The following ZFPM2 variants were observed in gnomAD, a reference collection of about 807,000 sequenced individuals.
ZFPM2 encodes the protein zinc finger protein, FOG family member 2.
Under a neutral mutation model 98.6 loss-of-function variants are expected in ZFPM2, and 20 were observed. That is an observed-to-expected ratio of 0.20 (90% CI 0.14 to 0.29). ZFPM2 has a LOEUF of 0.29. ZFPM2 is among the 10% of genes least tolerant of loss of function. ZFPM2 has a pLI of 1.00. For missense variants in ZFPM2, 1,310 were observed against 1,388.6 expected, an observed-to-expected ratio of 0.94 and a Z score of 0.90; for synonymous variants, 518 against 502.7, an observed-to-expected ratio of 1.03 and a Z score of -0.41.
At chr8:105,792,481 A>C (rs1392989496) in intron 6 of ZFPM2, among the ~76,000 whole-genome samples, 1 of 152,120 alleles carries the variant, frequency 6.6e-6, no homozygotes, top group Non-Finnish European at 1.5e-5. Flanking sequence ...CTGTTCTTTT[A>C]CATTTGCTGA....
At chr8:105,451,698 G>A (rs1408416682) in intron 3 of ZFPM2, 1 of 152,196 alleles carries the variant, frequency 6.6e-6, no homozygotes, top group East Asian at 1.9e-4. Context: ...CATGGCCCTC[G>A]GAGGGAACCA....
At chr8:105,499,301 T>C (rs1813539806) in intron 3 of ZFPM2, among the ~76,000 whole-genome samples, 1 of 150,254 alleles carries the variant, frequency 6.7e-6, no homozygotes, top group African/African-American at 2.4e-5. Flanking sequence ...GAATGACTGA[T>C]AGTCACATTC....
At chr8:105,516,462 C>T (rs1563694758) in intron 3 of ZFPM2, among the ~76,000 whole-genome samples, 1 of 152,098 alleles carries the variant, frequency 6.6e-6, no homozygotes, top group Non-Finnish European at 1.5e-5. Context: ...AAATTATGTT[C>T]TTATCTGGAT....
chr8:105,745,818 G>A (rs1365013670), intron 5 of ZFPM2, among the ~76,000 whole-genome samples: 2 of 152,002 alleles, frequency 1.3e-5, no homozygotes, highest in Non-Finnish European at 2.9e-5. Context: ...GGAGTGCAGC[G>A]GTGCAATCTT....
chr8:105,319,061 G>T (rs1234674662), intron 1 of ZFPM2, 80 bp downstream of exon 1: 1 of 1,434,012 alleles, frequency 7.0e-7, no homozygotes, highest in Non-Finnish European at 9.3e-7. Flanking sequence ...GCGGTGGGTG[G>T]GTGGCGGGGC....
chr8:105,756,688 G>A (rs1812605282), intron 5 of ZFPM2, among the ~76,000 whole-genome samples: 5 of 152,130 alleles, frequency 3.3e-5, no homozygotes, highest in Admixed American at 2.0e-4. Context: ...AATGTAAGAC[G>A]GGAGAGGGGG....
chr8:105,698,873 C>T (rs1162929768), intron 5 of ZFPM2, among the ~76,000 whole-genome samples: 3 of 152,114 alleles, frequency 2.0e-5, no homozygotes, highest in Non-Finnish European at 4.4e-5. Flanking sequence ...TCATCTAGAA[C>T]ATTTCCATTT....
chr8:105,683,377 G>A (rs568500978), intron 5 of ZFPM2, among the ~76,000 whole-genome samples: 15 of 152,280 alleles, frequency 9.9e-5, no homozygotes, highest in Non-Finnish European at 2.1e-4. Context: ...CATTTATAAA[G>A]TGAATGTCAC....
chr8:105,728,402 T>G (rs141341245), intron 5 of ZFPM2, among the ~76,000 whole-genome samples: 3 of 151,912 alleles, frequency 2.0e-5, no homozygotes, highest in Non-Finnish European at 4.4e-5. Flanking sequence ...TATTCCATGA[T>G]TTCTTTATTT....
chr8:105,345,027 T>G (rs1226955126), intron 1 of ZFPM2, among the ~76,000 whole-genome samples: 1 of 152,212 alleles, frequency 6.6e-6, no homozygotes, highest in Non-Finnish European at 1.5e-5. Context: ...ATGTGTATAT[T>G]ATTCCTATGG....
chr8:105,347,144 C>A (rs1018181878), intron 1 of ZFPM2, among the ~76,000 whole-genome samples: 3 of 151,914 alleles, frequency 2.0e-5, no homozygotes, highest in Non-Finnish European at 4.4e-5. Flanking sequence ...CCCCGCCCCC[C>A]AAAACCCTTA....
At chr8:105,794,947 C>T (rs923043580) in intron 6 of ZFPM2, among the ~76,000 whole-genome samples, 14 of 152,264 alleles carry the variant, frequency 9.2e-5, no homozygotes, top group African/African-American at 1.4e-4. Flanking sequence ...TCGCAGTATT[C>T]GGGTGGGAGT....
chr8:105,587,731 AAG>A (rs1815754301), intron 4 of ZFPM2, among the ~76,000 whole-genome samples: 1 of 152,172 alleles, frequency 6.6e-6, no homozygotes. Context: ...ATATGGAATA[AAG>A]AGTGTTTCTC....
chr8:105,674,338 C>T (rs1817649844), intron 5 of ZFPM2, among the ~76,000 whole-genome samples: 1 of 152,174 alleles, frequency 6.6e-6, no homozygotes, highest in Admixed American at 6.5e-5. Flanking sequence ...GTGCAAGACA[C>T]ATTGACTGGG....
At chr8:105,730,320 C>T (rs570581439) in intron 5 of ZFPM2, among the ~76,000 whole-genome samples, 3 of 151,844 alleles carry the variant, frequency 2.0e-5, no homozygotes, top group South Asian at 2.1e-4. Flanking sequence ...GACAGAAACT[C>T]ATAACATGTA....
At chr8:105,669,707 C>A (rs1215586353) in intron 5 of ZFPM2, among the ~76,000 whole-genome samples, 3 of 152,036 alleles carry the variant, frequency 2.0e-5, no homozygotes, top group Admixed American at 1.3e-4. Context: ...GCAATATTTA[C>A]AAATATTATT....
At chr8:105,480,691 A>G (rs2130383141) in intron 3 of ZFPM2, among the ~76,000 whole-genome samples, 1 of 152,248 alleles carries the variant, frequency 6.6e-6, no homozygotes, top group Non-Finnish European at 1.5e-5. Flanking sequence ...AAATATTTTA[A>G]GTTATAACTG....
intron 5 of ZFPM2, among the ~76,000 whole-genome samples, chr8:105,734,536 G>A (rs181221457): frequency 1.3e-5 from 2 of 151,958 alleles, no homozygotes; most frequent in South Asian, 2.1e-4. Flanking sequence ...CCATTTTGTC[G>A]GCTGCATTAA....
Position 105,319,080 on chromosome 8 carries a change from A to T in ZFPM2, c.40+99A>T, listed in dbSNP as rs182164558. ...TGGGTGGGTGGCGGGGCTAGGGGAGATCCGCTCCCGGTCCCCTAGATGTCT... is the reference window on the plus strand; with the variant it reads ...TGGGTGGGTGGCGGGGCTAGGGGAGTTCCGCTCCCGGTCCCCTAGATGTCT... On this transcript the variant is annotated intron_variant, in intron 1 of 7. Coordinates refer to ENST00000407775, the MANE Select transcript of ZFPM2 (RefSeq NM_012082.4). The T allele has an allele frequency of 3.0e-3, 4,010 of 1,342,974 alleles. 32 individuals are homozygous for T. The highest frequency in any genetic ancestry group is 0.029 in the African/African-American group (1,922 of 66,450). The allele number at this position is 1,342,974 out of a possible 1,614,324, so 83.2% of individuals were successfully genotyped here.
Sources: allele counts gnomAD v4.1 joint callset (sites outside exome capture counted in the v4.1 genomes callset), GRCh38; gene constraint gnomAD v4.1.1; transcripts MANE v1.5; gene names NCBI Gene and HGNC (gene_info 2026-07-23, HGNC 2026-07-21).